Variants in ADGRA3 observed in about 807,000 individuals in gnomAD.
ADGRA3 encodes G-protein coupled receptor 125.
Under a neutral mutation model 119.8 loss-of-function variants are expected in ADGRA3, and 56 were observed. The ratio of observed to expected loss-of-function variants is 0.47; its 90% CI spans 0.38 to 0.58. ADGRA3 has a LOEUF of 0.58. Ranked by LOEUF, ADGRA3 falls within the 20% of genes least tolerant of loss-of-function variation. The pLI, the probability that ADGRA3 is intolerant of heterozygous loss-of-function variation, is 0.00. For missense variants in ADGRA3, 1,516 were observed against 1,649.0 expected (o/e 0.92, Z 1.40); for synonymous variants, 607 against 623.8 (o/e 0.97, Z 0.40).
rs200272320 is a variant in ADGRA3 at position 22,484,605 on chromosome 4, C to CA, written c.258-10763dup. Among the ~76,000 whole-genome samples the CA allele has an allele frequency of 9.7e-3, 961 of 98,724 alleles. 6 individuals carry two copies. Among genetic ancestry groups the CA allele is most frequent in the Non-Finnish European group, 0.011 (495 of 46,454 alleles). 64.8% of individuals were successfully genotyped at this position (98,724 alleles called of 152,430 possible). On this transcript the variant is annotated intron_variant, in intron 1 of 18. Coordinates refer to ENST00000334304, the MANE Select transcript of ADGRA3 (RefSeq NM_145290.4). ...AGGCGATAGAGTGAGACCCTGTTTC[C>CA]AAAAAAAAAAAAAAAAGCGTAAGCA...
intron 2 of ADGRA3, among the ~76,000 whole-genome samples, chr4:22,467,549 T>C (rs1212566654): frequency 2.6e-5 from 4 of 152,228 alleles, no homozygotes; most frequent in Non-Finnish European, 5.9e-5. Flanking sequence ...GTTAGTTAGC[T>C]AAAGCAGTAC....
intron 1 of ADGRA3, among the ~76,000 whole-genome samples, chr4:22,488,373 C>A (rs4423859): frequency 0.044 from 6,649 of 150,382 alleles, 213 homozygotes; most frequent in African/African-American, 0.084. Context: ...AAAAAAAAGT[C>A]AAAGCCTTGG....
rs61792015 is a variant in ADGRA3 at position 22,435,443 on chromosome 4, G to A, written c.1311C>T (p.Ala437=). The A allele has an allele frequency of 2.2e-4, 348 of 1,602,518 alleles. 1 individual carries two copies. Among genetic ancestry groups the A allele is most frequent in the Middle Eastern group, 5.0e-4 (3 of 6,032 alleles). The change falls in exon 10 of 19, where the codon GCC becomes GCT. Residue 437 remains alanine (A), a synonymous_variant. Coordinates refer to ENST00000334304, the MANE Select transcript of ADGRA3 (RefSeq NM_145290.4). Reference sequence around the variant, plus strand: ...CCAGTAACTGTCGAGCTGTTGCCACGGCATTGGTAAGATTGAGGGGCATCT... The same window carrying A: ...CCAGTAACTGTCGAGCTGTTGCCACAGCATTGGTAAGATTGAGGGGCATCT... ...FNQMPLNLTN[A]VATARQLLAY...
At chr4:22,498,833 G>C (rs1022154556) in intron 1 of ADGRA3, among the ~76,000 whole-genome samples, 2 of 152,032 alleles carry the variant, frequency 1.3e-5, no homozygotes, top group Admixed American at 6.5e-5. Context: ...AGAATTGCTT[G>C]AACCCGGCAG....
chr4:22,444,317 C>T (rs1175639397), intron 6 of ADGRA3, among the ~76,000 whole-genome samples: 1 of 151,932 alleles, frequency 6.6e-6, no homozygotes, highest in Non-Finnish European at 1.5e-5. Flanking sequence ...TGGAGTTTCA[C>T]TTTTGTCACC....
At chr4:22,456,036 G>C (rs563071392) in intron 3 of ADGRA3, among the ~76,000 whole-genome samples, 1 of 152,096 alleles carries the variant, frequency 6.6e-6, no homozygotes, top group Non-Finnish European at 1.5e-5. Context: ...AGAGAGGTAC[G>C]CATTCTTCGA....
chr4:22,477,890 A>C (rs1271992333), intron 1 of ADGRA3, among the ~76,000 whole-genome samples: 1 of 152,204 alleles, frequency 6.6e-6, no homozygotes, highest in Non-Finnish European at 1.5e-5. Flanking sequence ...TTTACACTCA[A>C]TTTTGAAATA....
At chr4:22,473,559 T>G (rs530147181) in intron 2 of ADGRA3, among the ~76,000 whole-genome samples, 37 of 152,332 alleles carry the variant, frequency 2.4e-4, no homozygotes, top group South Asian at 6.2e-4. Flanking sequence ...TGGCCAGCTG[T>G]GAAAACGCAA....
Position 22,466,205 on chromosome 4 carries a change from C to T in ADGRA3, c.330-4397G>A, listed in dbSNP as rs78567023. On this transcript the variant is annotated intron_variant, in intron 2 of 18. Transcript: ENST00000334304. ...CCTTTCCTTCACCAACTCTCACTTC[C>T]CATCTGCTCAACACCTTCCCTTAAC... is the stretch of plus-strand genomic sequence containing the variant. 8.0e-3 allele frequency among the ~76,000 whole-genome samples: 1,221 copies of T among 152,312 alleles called. 30 individuals are homozygous for T. The highest frequency in any genetic ancestry group is 0.072 in the East Asian group (372 of 5,172).
At chr4:22,427,475 A>G (rs1289752275) in intron 10 of ADGRA3, among the ~76,000 whole-genome samples, 1 of 152,126 alleles carries the variant, frequency 6.6e-6, no homozygotes, top group Non-Finnish European at 1.5e-5. Context: ...AAAAAAAACA[A>G]CAAATATCTC....
intron 1 of ADGRA3, among the ~76,000 whole-genome samples, chr4:22,499,082 C>T (rs1718956088): frequency 6.6e-6 from 1 of 152,168 alleles, no homozygotes; most frequent in Admixed American, 6.5e-5. Flanking sequence ...GCAGGCAGGC[C>T]TGAGGCTTAA....
chr4:22,498,656 C>CTA (rs1232319023), intron 1 of ADGRA3, among the ~76,000 whole-genome samples: 50 of 152,198 alleles, frequency 3.3e-4, no homozygotes, highest in African/African-American at 1.1e-3. Context: ...TGGCTCACGC[C>CTA]TGTAATCCCA....
chr4:22,401,489 G>C lies in ADGRA3; in HGVS notation c.2423C>G (p.Thr808Ser). Residue 808 changes from threonine to serine, a missense_variant, in exon 16 of 19, where the codon ACC becomes AGC. Physicochemically the swap from Thr to Ser is moderately conservative, Grantham distance 58 (BLOSUM62 1). Coordinates refer to ENST00000334304, the MANE Select transcript of ADGRA3 (RefSeq NM_145290.4). ...TATTCCTCCCACAAAGACCACACAG[G>C]TTAGGAAAATATGAAAGCACAAGTT... ...LVNLCFHIFL[T>S]CVVFVGGITQ... 1 of 1,611,556 alleles carries C rather than the reference G, an allele frequency of 6.2e-7. No individual in the cohort carries two copies. Among genetic ancestry groups the C allele is most frequent in the Non-Finnish European group, 8.5e-7 (1 of 1,178,558 alleles).
chr4:22,442,873 A>C lies in ADGRA3; in HGVS notation c.707-10T>G, dbSNP rs759746954. On this transcript the variant is annotated splice_polypyrimidine_tract_variant and intron_variant, in intron 6 of 18. Transcript: ENST00000334304. ...AATTCAAGCGGAGGGTCTAGAGACA[A>C]TCAAACAAAGATTCAGTAAACAAAT... The C allele has an allele frequency of 1.4e-5, 22 of 1,588,388 alleles. No individual in the cohort carries two copies. Among genetic ancestry groups the C allele is most frequent in the Admixed American group, 6.8e-5 (4 of 59,164 alleles).
chr4:22,454,991 T>C, intron 3 of ADGRA3, 54 bp from the exon 4 acceptor site: 1 of 1,227,506 alleles, frequency 8.1e-7, no homozygotes, highest in South Asian at 1.2e-5. Context: ...TTAAAGAAGG[T>C]CTCATGCATT....
chr4:22,392,246 G>A (rs1036696433), intron 17 of ADGRA3, among the ~76,000 whole-genome samples: 3 of 152,176 alleles, frequency 2.0e-5, no homozygotes, highest in African/African-American at 7.2e-5. Flanking sequence ...TCATAGAGCC[G>A]ATTATATGGC....
chr4:22,502,131 C>A (rs911125313), intron 1 of ADGRA3, among the ~76,000 whole-genome samples: 16 of 152,296 alleles, frequency 1.1e-4, no homozygotes, highest in African/African-American at 3.4e-4. Flanking sequence ...GCAGGGAAAC[C>A]ATGCAGCCAA....
At chr4:22,444,896 C>A in intron 6 of ADGRA3, 77 bp downstream of exon 6, 1 of 1,431,488 alleles carries the variant, frequency 7.0e-7, no homozygotes, top group East Asian at 2.3e-5. Flanking sequence ...TAAAGAGAAT[C>A]TTACAATTTG....
intron 1 of ADGRA3, among the ~76,000 whole-genome samples, chr4:22,498,536 T>G (rs1718928680): frequency 6.6e-6 from 1 of 151,860 alleles, no homozygotes; most frequent in Non-Finnish European, 1.5e-5. Context: ...AAGAATCACT[T>G]GAACCAGGAA....
Sources: allele counts gnomAD v4.1 joint callset (sites outside exome capture counted in the v4.1 genomes callset), GRCh38; gene constraint gnomAD v4.1.1; transcripts MANE v1.5; gene names NCBI Gene and HGNC (gene_info 2026-07-23, HGNC 2026-07-21).